TBC1D9B: variants seen among roughly 807,000 people sequenced by gnomAD.
The protein encoded by TBC1D9B is TBC1 domain family member 9B.
In TBC1D9B, 87 loss-of-function variants were observed where a neutral mutation model predicts 121.1. That is an observed-to-expected ratio of 0.72 (90% confidence interval 0.60 to 0.86). The LOEUF (loss-of-function observed/expected upper bound fraction) is 0.86, where lower values mean the gene tolerates loss of function less well. TBC1D9B is among the 40% of genes least tolerant of loss of function. The pLI, the probability that TBC1D9B is intolerant of heterozygous loss-of-function variation, is 0.00. For synonymous variants in TBC1D9B, 668 were observed against 670.1 expected (o/e 1.00, Z 0.05); for missense variants, 1,540 against 1,628.6 (o/e 0.95, Z 0.94).
rs572293064 is a variant in TBC1D9B at position 179,890,048 on chromosome 5, C to T, written c.1044+1331G>A. ...GGAGAGGTCGGAATCTAGGCCGATA[C>T]GTGGCTTTTACCTGGGCAAAGGGTG... is the stretch of plus-strand genomic sequence containing the variant. On this transcript the variant is annotated intron_variant, in intron 6 of 20. Transcript: ENST00000355235. This position sits in a 1 kb window ranked among gnomAD's most constrained non-coding sequence, Gnocchi z 5.0. 2.0e-5 allele frequency among the ~76,000 whole-genome samples: 3 copies of T among 152,056 alleles called. No individual in the cohort carries two copies. The highest frequency in any genetic ancestry group is 2.1e-4 in the South Asian group (1 of 4,806).
chr5:179,872,769 A>G, intron 14 of TBC1D9B, 123 bp downstream of exon 14: 1 of 879,958 alleles, frequency 1.1e-6, no homozygotes, highest in Admixed American at 2.2e-5. Flanking sequence ...TCCTACCATG[A>G]TGTACATACC....
At chr5:179,888,402 T>C (rs1444285380) in intron 6 of TBC1D9B, 90 bp from the exon 7 acceptor site, 1 of 1,304,546 alleles carries the variant, frequency 7.7e-7, no homozygotes, top group Non-Finnish European at 1.1e-6. Flanking sequence ...CATGCAGCTG[T>C]CCTCTCCTGG....
chr5:179,894,329 G>T (rs767776071), intron 4 of TBC1D9B, 57 bp downstream of exon 4: 3 of 1,498,188 alleles, frequency 2.0e-6, no homozygotes, highest in Non-Finnish European at 2.7e-6. Flanking sequence ...TCTGGGGGCC[G>T]AAGGCAGGGA....
chr5:179,888,360 C>A (rs776014694), intron 6 of TBC1D9B, 48 bp from the exon 7 acceptor site: 11 of 1,583,800 alleles, frequency 6.9e-6, no homozygotes, highest in South Asian at 1.1e-5. Context: ...TCAGGCCCTG[C>A]AGCTGGGCAT....
chr5:179,870,657 G>C, intron 15 of TBC1D9B, 162 bp from the exon 16 acceptor site: 1 of 1,080,490 alleles, frequency 9.3e-7, no homozygotes, highest in Non-Finnish European at 1.3e-6. Flanking sequence ...AAGCTCTCAG[G>C]CTGTCATCAG....
At position 179,870,282 on chromosome 5, in the gene TBC1D9B, TG is replaced by T. The variant is rs1352763781; in HGVS notation, c.2697del (p.Asn900ThrfsTer6). 1.2e-6 allele frequency: 2 copies of T among 1,613,782 alleles called. No homozygotes were observed. Among genetic ancestry groups the T allele is most frequent in the African/African-American group, 2.7e-5 (2 of 74,938 alleles). On this transcript the variant is annotated frameshift_variant, in exon 16 of 21. Transcript: ENST00000355235. LOFTEE classifies it high-confidence loss of function. ...RLLDENKDSL[I>X]NFKEFVTGMS... is the part of the protein sequence containing the mutation. ...ATCCCTGTCACGAACTCCTTGAAGT[TG>T]ATCAGCGAGTCCTTGTTTTCGTCCA...
rs1235535792 is a variant in TBC1D9B, at chr5:179,893,347, T to C, written c.698A>G (p.Asn233Ser). The change falls in exon 5 of 21, where the codon AAC becomes AGC. Residue 233 changes from asparagine (N) to serine (S), a missense_variant. Transcript: ENST00000355235. ...CATGAGCTTGAAGGTCTCGCCGATG[T>C]TGAGGAACATGGAGAAGAAGAGCTC... ...DQELFFSMFL[N>S]IGETFKLMEQ... The C allele has an allele frequency of 4.3e-6, 7 of 1,613,964 alleles. No individual in the cohort carries two copies. The highest frequency in any genetic ancestry group is 5.9e-6 in the Non-Finnish European group (7 of 1,180,014).
chr5:179,863,422 T>C lies in TBC1D9B; in HGVS notation c.*26A>G, dbSNP rs768027986. ...GAGGCCAGCCCCACTGATGACACCT[T>C]GGGCCAGGCCTCACAGCTGCAGGCA... On this transcript the variant is annotated 3_prime_UTR_variant, in exon 21 of 21. Coordinates refer to ENST00000355235, the MANE Select transcript of TBC1D9B (RefSeq NM_015043.4). This position sits in a 1 kb window ranked among gnomAD's most constrained non-coding sequence, Gnocchi z 4.5. 4.4e-6 allele frequency: 7 copies of C among 1,602,920 alleles called. No individual in the cohort carries two copies. Among genetic ancestry groups the C allele is most frequent in the African/African-American group, 4.0e-5 (3 of 74,700 alleles).
At chr5:179,884,522 T>C (rs1561641776) in intron 7 of TBC1D9B, 2 of 152,116 alleles carry the variant, frequency 1.3e-5, no homozygotes, top group Non-Finnish European at 2.9e-5. Context: ...CACTCCAGGG[T>C]ATGTCCCCAA....
In TBC1D9B at chr5:179,904,790, G is replaced by A. The variant is rs528050359; in HGVS notation, c.141C>T (p.Asp47=). 5.1e-5 allele frequency: 80 copies of A among 1,568,236 alleles called. No individual in the cohort carries two copies. Among genetic ancestry groups the A allele is most frequent in the South Asian group, 4.7e-4 (40 of 85,232 alleles). The change falls in exon 2 of 21, where the codon GAC becomes GAT. Residue 47 remains aspartate, a synonymous_variant. Coordinates refer to ENST00000355235, the MANE Select transcript of TBC1D9B (RefSeq NM_015043.4). The surrounding 1 kb of genome is among the most constrained non-coding windows in gnomAD (Gnocchi z 4.2). ...GLTGLLVGTL[D]VVLDSSARVA... is the part of the protein sequence containing the mutation. ...CGCGGGCACTGGAGTCCAGCACCAC[G>A]TCCAGGGTGCCCACGAGAAGACCTG...
Position 179,904,743 on chromosome 5 carries a change from T to C in TBC1D9B, c.188A>G (p.His63Arg), listed in dbSNP as rs542672577. Reference protein sequence around the residue: ...SARVAPYRILHQTQDSQVYWT... With the variant: ...SARVAPYRILRQTQDSQVYWT... Reference sequence around the variant, plus strand: ...GTAGACCTGGGAGTCCTGGGTCTGGTGCAGGATGCGGTAAGGGGCCACGCG... The same window carrying C: ...GTAGACCTGGGAGTCCTGGGTCTGGCGCAGGATGCGGTAAGGGGCCACGCG... Residue 63 changes from histidine (H) to arginine (R), a missense_variant, in exon 2 of 21, where the codon CAC becomes CGC. His to Arg is a conservative substitution (Grantham distance 29). Coordinates refer to ENST00000355235, the MANE Select transcript of TBC1D9B (RefSeq NM_015043.4). This position sits in a 1 kb window ranked among gnomAD's most constrained non-coding sequence, Gnocchi z 4.2. 6.4e-5 allele frequency: 101 copies of C among 1,579,934 alleles called. 1 individual carries two copies. In the South Asian group the frequency reaches 7.4e-4, roughly 12 times the overall value.
At position 179,879,673 on chromosome 5, in the gene TBC1D9B, C is replaced by T. The variant is rs758918186; in HGVS notation, c.1371G>A (p.Lys457=). 6.2e-7 allele frequency: 1 copy of T among 1,614,174 alleles called. No individual in the cohort carries two copies. The highest frequency in any genetic ancestry group is 2.2e-5 in the East Asian group (1 of 44,876). The change falls in exon 8 of 21, where the codon AAG becomes AAA. Residue 457 remains lysine, a synonymous_variant. Coordinates refer to ENST00000355235, the MANE Select transcript of TBC1D9B (RefSeq NM_015043.4). ...CCATGGGCGAGTTTTTCTGGAAGAG[C>T]TTCAGCAGGCCCTGGGATGCGGTTG... ...EAPTASQGLL[K]LFQKNSPMED... is the part of the protein sequence containing the mutation.
chr5:179,885,584 GT>G lies in TBC1D9B; in HGVS notation c.1254+2518del, dbSNP rs1234213878. Among the ~76,000 whole-genome samples the G allele has an allele frequency of 1.7e-5, 2 of 117,850 alleles. No individual in the cohort carries two copies. Among genetic ancestry groups the G allele is most frequent in the Non-Finnish European group, 3.4e-5 (2 of 59,360 alleles). The allele number at this position is 117,850 out of a possible 152,430, so 77.3% of individuals were successfully genotyped here. A position where few individuals can be genotyped will look rare whatever the true frequency, so the allele number is the denominator to read the frequency against. On this transcript the variant is annotated intron_variant, in intron 7 of 20. Transcript: ENST00000355235. The surrounding 1 kb of genome is among the most constrained non-coding windows in gnomAD (Gnocchi z 4.5). Reference sequence around the variant, plus strand: ...AGCCTAGGTGACAGAGCAAGACTCTGTCCCCCCCCCAAAAAAAAAAAGATGG... The same window carrying G: ...AGCCTAGGTGACAGAGCAAGACTCTGCCCCCCCCCAAAAAAAAAAAGATGG...
intron 7 of TBC1D9B, among the ~76,000 whole-genome samples, chr5:179,882,808 C>T (rs1280704468): frequency 6.6e-6 from 1 of 152,182 alleles, no homozygotes; most frequent in African/African-American, 2.4e-5. Context: ...GAGATTGTGC[C>T]ACTGCACTCC....
chr5:179,907,785 C>A lies in TBC1D9B; in HGVS notation c.37G>T (p.Ala13Ser), dbSNP rs1329597037. ...LSPEEVLVANALWVTERANPF... is the reference protein window; with the variant it reads ...LSPEEVLVANSLWVTERANPF... ...TTGGCCCGCTCCGTCACCCACAGCG[C>A]ATTGGCCACCAGCACCTCCTCCGGG... The change falls in exon 1 of 21, where the codon GCG becomes TCG. Residue 13 changes from alanine to serine, a missense_variant. Coordinates refer to ENST00000355235, the MANE Select transcript of TBC1D9B (RefSeq NM_015043.4). This position sits in a 1 kb window ranked among gnomAD's most constrained non-coding sequence, Gnocchi z 5.3. The A allele has an allele frequency of 1.6e-6, 2 of 1,226,472 alleles. No individual in the cohort carries two copies. The allele number at this position is 1,226,472 out of a possible 1,614,324, so 76.0% of individuals were successfully genotyped here. A position where few individuals can be genotyped will look rare whatever the true frequency, so the allele number is the denominator to read the frequency against.
At chr5:179,880,641 T>G (rs1315621674) in intron 7 of TBC1D9B, among the ~76,000 whole-genome samples, 4 of 152,184 alleles carry the variant, frequency 2.6e-5, no homozygotes, top group African/African-American at 9.7e-5. Context: ...CATGGGCGTA[T>G]ACCTGTTAAA....
intron 10 of TBC1D9B, among the ~76,000 whole-genome samples, chr5:179,877,311 G>T (rs1760387318): frequency 6.6e-6 from 1 of 151,664 alleles, no homozygotes; most frequent in South Asian, 2.1e-4. Context: ...GACCAGCCTG[G>T]ACAACATAGC....
In TBC1D9B at chr5:179,865,460, C is replaced by T. The variant is rs1353173045; in HGVS notation, c.2915-100G>A. On this transcript the variant is annotated intron_variant, in intron 19 of 20. Transcript: ENST00000355235. The surrounding 1 kb of genome is among the most constrained non-coding windows in gnomAD (Gnocchi z 5.1). Reference sequence around the variant, plus strand: ...TTGGGTGTTTTCTGGCATGGAGTTACCAGGGCCCTATCATAAAACACCCTG... The same window carrying T: ...TTGGGTGTTTTCTGGCATGGAGTTATCAGGGCCCTATCATAAAACACCCTG... 3 of 1,136,050 alleles carry T rather than the reference C, an allele frequency of 2.6e-6. No homozygotes were observed. Among genetic ancestry groups the T allele is most frequent in the African/African-American group, 3.1e-5 (2 of 65,082 alleles). The allele number at this position is 1,136,050 out of a possible 1,614,324, so 70.4% of individuals were successfully genotyped here.
Position 179,904,242 on chromosome 5 carries a change from T to TG in TBC1D9B, c.229+459dup, listed in dbSNP as rs1761242997. Among the ~76,000 whole-genome samples the TG allele has an allele frequency of 6.8e-6, 1 of 147,974 alleles. No individual in the cohort carries two copies. Among genetic ancestry groups the TG allele is most frequent in the East Asian group, 2.0e-4 (1 of 5,036 alleles). ...TGCCTTTTTTTTTTTTTTTTTTTTTTGAGACGGAATCTCGCTGTGTCGCCC... is the reference window on the plus strand; with the variant it reads ...TGCCTTTTTTTTTTTTTTTTTTTTTTGGAGACGGAATCTCGCTGTGTCGCCC... On this transcript the variant is annotated intron_variant, in intron 2 of 20. Transcript: ENST00000355235. The surrounding 1 kb of genome is among the most constrained non-coding windows in gnomAD (Gnocchi z 4.2).
Sources: gnomAD v4.1 joint callset for allele counts (sites outside exome capture counted in the v4.1 genomes callset) on GRCh38, gnomAD v4.1.1 for gene constraint, Gnocchi (gnomAD v3.1) non-coding constraint, MANE v1.5 for transcripts, NCBI Gene and HGNC (gene_info 2026-07-23, HGNC 2026-07-21) for gene names.